TMEM63C: variants seen among roughly 807,000 people sequenced by gnomAD.
TMEM63C encodes the protein transmembrane protein 63C, also known as osmosensitive cation channel TMEM63C.
In TMEM63C, 32 loss-of-function variants were observed where a neutral mutation model predicts 99.2. The ratio of observed to expected loss-of-function variants is 0.32; its 90% CI spans 0.24 to 0.43. TMEM63C has a LOEUF of 0.43. Among genes scored for constraint, TMEM63C ranks in the 20% least tolerant of loss-of-function variants. The probability of loss-of-function intolerance (pLI) is 1.00; values close to 1 mark genes in which losing one functional copy is unlikely to be tolerated. For missense variants in TMEM63C, 826 were observed against 1,053.0 expected, an observed-to-expected ratio of 0.78 and a Z score of 2.98; for synonymous variants, 376 against 397.9, an observed-to-expected ratio of 0.94 and a Z score of 0.66.
In TMEM63C at chr14:77,248,805, G is replaced by A. The variant is rs139259898; in HGVS notation, c.1803G>A (p.Ala601=). The change falls in exon 20 of 24, where the codon GCG becomes GCA. Residue 601 remains alanine (A), a synonymous_variant. Transcript: ENST00000298351. ...ACTTCCAGTTTGGGCGTGAGTATGCGTGGATGATGAACGTGTTCAGCGTGG... is the reference window on the plus strand; with the variant it reads ...ACTTCCAGTTTGGGCGTGAGTATGCATGGATGATGAACGTGTTCAGCGTGG... ...AIDFQFGREY[A]WMMNVFSVVM... is the part of the protein sequence containing the mutation. The A allele has an allele frequency of 5.7e-4, 917 of 1,614,070 alleles. 2 individuals are homozygous for A. The highest frequency in any genetic ancestry group is 7.3e-4 in the Non-Finnish European group (861 of 1,179,906).
At chr14:77,216,129 A>AGC (rs1037739786) in intron 2 of TMEM63C, among the ~76,000 whole-genome samples, 51 of 146,454 alleles carry the variant, frequency 3.5e-4, no homozygotes, top group African/African-American at 1.3e-3. Flanking sequence ...GGAGGGAGGG[A>AGC]GAGAGAGAGA....
At chr14:77,227,800 G>C (rs1283908000) in intron 6 of TMEM63C, among the ~76,000 whole-genome samples, 3 of 152,160 alleles carry the variant, frequency 2.0e-5, no homozygotes, top group Non-Finnish European at 4.4e-5. Flanking sequence ...GTCTCTGTTG[G>C]GAGGGCAGGC....
chr14:77,250,430 C>CTTTTT (rs796757847), intron 21 of TMEM63C, among the ~76,000 whole-genome samples: 1 of 140,896 alleles, frequency 7.1e-6, no homozygotes. Flanking sequence ...TGTTTTCTTT[C>CTTTTT]TTTTTTTTTT....
intron 6 of TMEM63C, 53 bp from the exon 7 acceptor site, chr14:77,231,535 G>C: frequency 1.3e-6 from 2 of 1,546,206 alleles, no homozygotes; most frequent in Middle Eastern, 3.4e-4. Context: ...CCCGCAACAA[G>C]TGGTGGCCAC....
intron 1 of TMEM63C, among the ~76,000 whole-genome samples, chr14:77,199,231 C>T (rs965362911): frequency 1.2e-4 from 19 of 152,240 alleles, no homozygotes; most frequent in African/African-American, 2.6e-4. Context: ...GGCCCGGGGG[C>T]TCAGAATCAA....
intron 9 of TMEM63C, among the ~76,000 whole-genome samples, chr14:77,237,881 G>A (rs139489926): frequency 2.6e-5 from 4 of 152,334 alleles, no homozygotes; most frequent in Non-Finnish European, 5.9e-5. Context: ...GTTCAGTGGT[G>A]TGGAATCAGC....
intron 9 of TMEM63C, among the ~76,000 whole-genome samples, chr14:77,238,343 C>T (rs1889097707): frequency 6.6e-6 from 1 of 152,252 alleles, no homozygotes; most frequent in Non-Finnish European, 1.5e-5. Flanking sequence ...AATCATGGAG[C>T]TCTGATCCTC....
At chr14:77,226,322 A>G (rs905522154) in intron 6 of TMEM63C, among the ~76,000 whole-genome samples, 1 of 152,154 alleles carries the variant, frequency 6.6e-6, no homozygotes, top group African/African-American at 2.4e-5. Flanking sequence ...AAGGCAGGGC[A>G]TTGCACCGTG....
chr14:77,246,253 G>A (rs1054360706), intron 17 of TMEM63C, among the ~76,000 whole-genome samples: 19 of 152,344 alleles, frequency 1.2e-4, no homozygotes, highest in East Asian at 3.9e-4. Context: ...GACACAAGGC[G>A]TGCTTACCAG....
At chr14:77,232,417 A>G (rs1483097008) in intron 7 of TMEM63C, among the ~76,000 whole-genome samples, 1 of 152,026 alleles carries the variant, frequency 6.6e-6, no homozygotes, top group African/African-American at 2.4e-5. Flanking sequence ...CCTCCTGAGT[A>G]GCTGGGATTA....
Position 77,249,337 on chromosome 14 carries a change from G to T in TMEM63C, c.1917G>T (p.Met639Ile), listed in dbSNP as rs1216059817. Residue 639 changes from methionine (M) to isoleucine (I), a missense_variant, in exon 21 of 24, where the codon ATG (methionine) becomes ATT (isoleucine). By Grantham distance (10) the Met-to-Ile change is conservative (BLOSUM62 1). Transcript: ENST00000298351. ...CMKHLTDRYN[M>I]YYSFAPTKLN... ...AGCACTTGACGGATCGCTATAACAT[G>T]TACTACTCCTTTGCACCCACCAAAC... 2.4e-5 allele frequency: 38 copies of T among 1,613,994 alleles called. No individual in the cohort carries two copies. Among genetic ancestry groups the T allele is most frequent in the Non-Finnish European group, 3.2e-5 (38 of 1,179,894 alleles).
intron 1 of TMEM63C, among the ~76,000 whole-genome samples, chr14:77,203,637 G>C (rs1408377674): frequency 4.6e-5 from 7 of 152,272 alleles, no homozygotes; most frequent in Admixed American, 4.6e-4. Context: ...CTGTGTGCTT[G>C]CTGAGGACAG....
intron 1 of TMEM63C, among the ~76,000 whole-genome samples, chr14:77,182,901 A>G (rs1566613233): frequency 6.6e-6 from 1 of 152,152 alleles, no homozygotes; most frequent in Admixed American, 6.5e-5. Flanking sequence ...TTCTCCTTCA[A>G]CAGCCTGCAG....
intron 1 of TMEM63C, chr14:77,201,084 C>A (rs1051457342): frequency 6.8e-5 from 10 of 147,750 alleles, no homozygotes; most frequent in African/African-American, 1.5e-4. Flanking sequence ...AAGTGGGAAA[C>A]GTTTTGTGGC....
chr14:77,182,864 G>A (rs541057362), intron 1 of TMEM63C, among the ~76,000 whole-genome samples: 1 of 152,250 alleles, frequency 6.6e-6, no homozygotes, highest in African/African-American at 2.4e-5. Flanking sequence ...AGGAAGGCCC[G>A]TGCTGATGGG....
intron 21 of TMEM63C, among the ~76,000 whole-genome samples, chr14:77,250,128 G>A (rs891960791): frequency 3.3e-5 from 5 of 152,222 alleles, no homozygotes; most frequent in African/African-American, 1.2e-4. Flanking sequence ...AGCCGCCGGT[G>A]CCTAGTGGTA....
At chr14:77,250,158 T>G (rs1889333655) in intron 21 of TMEM63C, among the ~76,000 whole-genome samples, 1 of 152,182 alleles carries the variant, frequency 6.6e-6, no homozygotes, top group Non-Finnish European at 1.5e-5. Context: ...CTTTATGGGT[T>G]GCCAAAAAAC....
chr14:77,230,728 C>A (rs1295064829), intron 6 of TMEM63C, among the ~76,000 whole-genome samples: 1 of 152,042 alleles, frequency 6.6e-6, no homozygotes, highest in African/African-American at 2.4e-5. Flanking sequence ...ATCTGCCCCC[C>A]CACCACCCCA....
chr14:77,219,672 C>G (rs1024241331), intron 4 of TMEM63C, 95 bp downstream of exon 4: 2 of 1,343,744 alleles, frequency 1.5e-6, no homozygotes, highest in African/African-American at 2.9e-5. Flanking sequence ...CGAGCTGCAG[C>G]AGGTGTCTCG....
Sources: gnomAD v4.1 joint callset for allele counts (sites outside exome capture counted in the v4.1 genomes callset) on GRCh38, gnomAD v4.1.1 for gene constraint, MANE v1.5 for transcripts, NCBI Gene and HGNC (gene_info 2026-07-23, HGNC 2026-07-21) for gene names.